The following C1orf87 variants were observed in gnomAD, a reference collection of about 807,000 sequenced individuals.
The protein encoded by C1orf87 is chromosome 1 open reading frame 87.
A neutral mutation model predicts 60.5 loss-of-function variants in C1orf87; 58 were observed. That is an observed-to-expected ratio of 0.96 (90% CI 0.78 to 1.19). C1orf87 has a LOEUF of 1.19. Ranked by LOEUF, C1orf87 falls within the 50% of genes most tolerant of loss-of-function variation. The pLI, the probability that C1orf87 is intolerant of heterozygous loss-of-function variation, is 0.00. For missense variants in C1orf87, 673 were observed against 638.6 expected (o/e 1.05, Z -0.58); for synonymous variants, 236 against 227.4 (o/e 1.04, Z -0.34).
chr1:60,028,726 C>G (rs890129193), intron 7 of C1orf87, among the ~76,000 whole-genome samples: 1 of 152,154 alleles, frequency 6.6e-6, no homozygotes, highest in Admixed American at 6.5e-5. Flanking sequence ...TTACTAGGAA[C>G]CTCCGTGGTT....
chr1:59,997,566 C>A (rs370229014), intron 11 of C1orf87, 43 bp downstream of exon 11: 899 of 1,597,844 alleles, frequency 5.6e-4, no homozygotes, highest in Non-Finnish European at 7.4e-4. Flanking sequence ...TTAGACTAGA[C>A]CACAAATAGA....
chr1:59,994,998 G>C (rs1429373251), intron 11 of C1orf87, among the ~76,000 whole-genome samples: 2 of 152,114 alleles, frequency 1.3e-5, no homozygotes, highest in African/African-American at 4.8e-5. Flanking sequence ...CACATTCCTT[G>C]GCTGTTGAGG....
intron 8 of C1orf87, among the ~76,000 whole-genome samples, chr1:60,019,206 T>C (rs1288835930): frequency 6.6e-6 from 1 of 152,188 alleles, no homozygotes; most frequent in Non-Finnish European, 1.5e-5. Context: ...GCTGTTCTCA[T>C]GATAGTTTTC....
At chr1:60,007,468 A>G (rs1645054627) in intron 9 of C1orf87, among the ~76,000 whole-genome samples, 1 of 152,090 alleles carries the variant, frequency 6.6e-6, no homozygotes, top group African/African-American at 2.4e-5. Flanking sequence ...TATTAATTAC[A>G]GTTATTTCAA....
intron 3 of C1orf87, among the ~76,000 whole-genome samples, chr1:60,050,462 A>G (rs1574322070): frequency 6.6e-6 from 1 of 150,930 alleles, no homozygotes; most frequent in East Asian, 1.9e-4. Flanking sequence ...TTTTGTTGAC[A>G]TATATGAAGG....
chr1:60,062,141 C>A (rs934283594), intron 2 of C1orf87, among the ~76,000 whole-genome samples: 1 of 152,156 alleles, frequency 6.6e-6, no homozygotes, highest in Admixed American at 6.5e-5. Context: ...ACATTCCCCT[C>A]CTCTCCTCTC....
chr1:60,029,637 GTT>G (rs34501342), intron 7 of C1orf87, among the ~76,000 whole-genome samples: 1 of 95,654 alleles, frequency 1.0e-5, no homozygotes, highest in African/African-American at 4.2e-5. Context: ...GTCCCCCCAA[GTT>G]TTTTTTTTTT....
intron 9 of C1orf87, among the ~76,000 whole-genome samples, chr1:60,006,113 A>C (rs1645043419): frequency 6.6e-6 from 1 of 152,070 alleles, no homozygotes; most frequent in South Asian, 2.1e-4. Flanking sequence ...ACCTATCCAA[A>C]GAGTGAGCTG....
intron 8 of C1orf87, among the ~76,000 whole-genome samples, chr1:60,018,108 A>G (rs558268539): frequency 6.6e-6 from 1 of 152,332 alleles, no homozygotes; most frequent in African/African-American, 2.4e-5. Flanking sequence ...TTCCCAATTG[A>G]ACAGCAGATT....
At chr1:59,998,862 TAG>T (rs1277363614) in intron 10 of C1orf87, among the ~76,000 whole-genome samples, 2 of 152,170 alleles carry the variant, frequency 1.3e-5, no homozygotes, top group Non-Finnish European at 2.9e-5. Flanking sequence ...TTGATGGTGT[TAG>T]AGTCTCTGGT....
intron 8 of C1orf87, among the ~76,000 whole-genome samples, 187 bp downstream of exon 8, chr1:60,025,214 T>C (rs1645190835): frequency 6.6e-6 from 1 of 152,324 alleles, no homozygotes; most frequent in East Asian, 1.9e-4. Flanking sequence ...AACTCTTATG[T>C]CTGTTCCTCT....
chr1:60,033,244 T>A (rs540064614), intron 7 of C1orf87, among the ~76,000 whole-genome samples: 1 of 152,362 alleles, frequency 6.6e-6, no homozygotes, highest in South Asian at 2.1e-4. Context: ...TATTCTCTAT[T>A]ATTAACATAA....
intron 9 of C1orf87, among the ~76,000 whole-genome samples, chr1:60,004,901 T>G (rs1557457656): frequency 7.2e-6 from 1 of 138,098 alleles, no homozygotes; most frequent in Non-Finnish European, 1.6e-5. Flanking sequence ...CCTTTAGCAC[T>G]GGCTGCATGT....
At chr1:60,014,080 A>G (rs1231771541) in intron 8 of C1orf87, among the ~76,000 whole-genome samples, 2 of 152,126 alleles carry the variant, frequency 1.3e-5, no homozygotes. Flanking sequence ...GCTTACTTCA[A>G]CTTTCTGCTG....
At chr1:60,049,019 GT>G in intron 3 of C1orf87, among the ~76,000 whole-genome samples, 1 of 151,908 alleles carries the variant, frequency 6.6e-6, no homozygotes, top group Non-Finnish European at 1.5e-5. Flanking sequence ...ATTTTTTGGT[GT>G]AACAGGTAAT....
intron 2 of C1orf87, among the ~76,000 whole-genome samples, chr1:60,056,193 G>A (rs867749920): frequency 4.6e-5 from 7 of 152,076 alleles, no homozygotes; most frequent in East Asian, 1.9e-4. Flanking sequence ...GCAGTGAGCC[G>A]AGATCGCACC....
At chr1:60,039,250 C>T (rs190659463) in intron 5 of C1orf87, among the ~76,000 whole-genome samples, 1 of 152,128 alleles carries the variant, frequency 6.6e-6, no homozygotes. Context: ...TTGATACATG[C>T]TCACTAATGA....
Position 60,010,564 on chromosome 1 carries a change from A to G in C1orf87, c.1128-108T>C. On this transcript the variant is annotated intron_variant, in intron 8 of 11. Transcript: ENST00000371201. ...AGTGATATTGAATAAGCTTTTTGAT[A>G]CTTCTATCATTTAAGGTCCAATGCA... 15 of 933,894 alleles carry G rather than the reference A, an allele frequency of 1.6e-5. No individual in the cohort carries two copies. The South Asian group carries it at 2.0e-4, about 13-fold the overall frequency. 57.9% of individuals were successfully genotyped at this position (933,894 alleles called of 1,614,324 possible).
chr1:60,019,663 G>A (rs909205570), intron 8 of C1orf87, among the ~76,000 whole-genome samples: 32 of 152,150 alleles, frequency 2.1e-4, no homozygotes, highest in African/African-American at 7.2e-5. Context: ...GGACAATGAC[G>A]TCCAGGCTGA....
Sources: gnomAD v4.1 joint callset for allele counts (sites outside exome capture counted in the v4.1 genomes callset) on GRCh38, gnomAD v4.1.1 for gene constraint, MANE v1.5 for transcripts, NCBI Gene and HGNC (gene_info 2026-07-23, HGNC 2026-07-21) for gene names.